Variants in HDAC7 observed in about 807,000 individuals in gnomAD.
HDAC7 encodes the protein histone deacetylase 7A.
A neutral mutation model predicts 115.5 loss-of-function variants in HDAC7; 26 were observed. The observed-to-expected ratio is 0.23, with a 90% CI of 0.16 to 0.31. The LOEUF is 0.31. Ranked by LOEUF, HDAC7 falls within the 10% of genes least tolerant of loss-of-function variation. The probability of loss-of-function intolerance (pLI) is 1.00; values close to 1 mark genes in which losing one functional copy is unlikely to be tolerated. For synonymous variants in HDAC7, 564 were observed against 550.9 expected, an observed-to-expected ratio of 1.02 and a Z score of -0.33; for missense variants, 1,068 against 1,329.0, an observed-to-expected ratio of 0.80 and a Z score of 3.05.
At position 47,803,900 on chromosome 12, in the gene HDAC7, G is replaced by A. The variant is rs932829051; in HGVS notation, c.20-1626C>T. On this transcript the variant is annotated intron_variant, in intron 1 of 25. Coordinates refer to ENST00000080059, the MANE Select transcript of HDAC7 (RefSeq NM_015401.5). The surrounding 1 kb of genome is among the most constrained non-coding windows in gnomAD (Gnocchi z 4.0). ...TCTTCTGCAGGACCTGGTCCTCCCA[G>A]AGGTTTCTGGACTGGGCTCCAGGGT... is the stretch of plus-strand genomic sequence containing the variant. 1.3e-5 allele frequency among the ~76,000 whole-genome samples: 2 copies of A among 152,298 alleles called. No homozygotes were observed. Among genetic ancestry groups the A allele is most frequent in the Non-Finnish European group, 2.9e-5 (2 of 68,018 alleles).
intron 22 of HDAC7, 45 bp from the exon 23 acceptor site, chr12:47,785,930 G>T (rs755526672): frequency 2.6e-6 from 4 of 1,538,608 alleles, no homozygotes. Flanking sequence ...GAGTGGAGAG[G>T]TGACCCTGTT....
chr12:47,796,163 C>T (rs1943826977), intron 8 of HDAC7, 44 bp downstream of exon 8: 1 of 1,569,652 alleles, frequency 6.4e-7, no homozygotes, highest in African/African-American at 1.3e-5. Context: ...GAAGGCTGAG[C>T]CTCAGAACTG....
chr12:47,785,005 C>T, intron 24 of HDAC7: 1 of 584,702 alleles, frequency 1.7e-6, no homozygotes. Context: ...AAGACGCAGC[C>T]CCCAAGCCAG....
intron 1 of HDAC7, among the ~76,000 whole-genome samples, chr12:47,814,812 G>C (rs1328952594): frequency 1.3e-5 from 2 of 152,192 alleles, no homozygotes; most frequent in African/African-American, 2.4e-5. Context: ...GGTGGGAGAC[G>C]GCATCAATGT....
At chr12:47,788,381 A>G (rs1943290910) in intron 19 of HDAC7, 1 of 408,132 alleles carries the variant, frequency 2.5e-6, no homozygotes, top group East Asian at 4.1e-5. Flanking sequence ...TGGCTGTAAT[A>G]TGAGATCCTG....
intron 21 of HDAC7, 138 bp downstream of exon 21, chr12:47,787,574 C>A: frequency 1.6e-6 from 1 of 626,084 alleles, no homozygotes. Context: ...TTGTCCTATT[C>A]TCACTGGCGT....
At position 47,796,277 on chromosome 12, in the gene HDAC7, C is replaced by G; in HGVS notation, c.725G>C (p.Ser242Thr). 6.3e-7 allele frequency: 1 copy of G among 1,598,792 alleles called. No homozygotes were observed. The highest frequency in any genetic ancestry group is 1.3e-5 in the African/African-American group (1 of 74,096). ...GGAGCTGCACCCTGATGCGGGCGTG[C>G]TGCTACTACTTGGGGAGGAGTCTGA... ...TLGDSSPSSS[S>T]TPASGCSSPN... Residue 242 changes from serine to threonine, a missense_variant, in exon 8 of 26, where the codon AGC becomes ACC. By Grantham distance (58) the Ser-to-Thr change is moderately conservative (BLOSUM62 1). This residue lies in a region of HDAC7 where 618 missense variants were observed against 701.5 expected (regional missense o/e 0.88). Transcript: ENST00000080059.
intron 1 of HDAC7, among the ~76,000 whole-genome samples, 167 bp downstream of exon 1, chr12:47,819,600 G>A (rs1592080768): frequency 6.6e-6 from 1 of 151,082 alleles, no homozygotes; most frequent in South Asian, 2.1e-4. Context: ...GAGCCGGGCG[G>A]GACAGGCGCG....
chr12:47,798,548 G>A lies in HDAC7; in HGVS notation c.349+14C>T, dbSNP rs781176159. ...TGGTGGGGCTGGGCTGGGCTGGGGT[G>A]GCCACCTCCTTACTTCGCTTGCTCT... On this transcript the variant is annotated intron_variant, in intron 4 of 25. Coordinates refer to ENST00000080059, the MANE Select transcript of HDAC7 (RefSeq NM_015401.5). This position sits in a 1 kb window ranked among gnomAD's most constrained non-coding sequence, Gnocchi z 4.3. 2.5e-6 allele frequency: 4 copies of A among 1,611,496 alleles called. No homozygotes were observed. The highest frequency in any genetic ancestry group is 1.7e-5 in the Admixed American group (1 of 59,998).
At chr12:47,815,223 G>A (rs1944819045) in intron 1 of HDAC7, among the ~76,000 whole-genome samples, 1 of 152,138 alleles carries the variant, frequency 6.6e-6, no homozygotes, top group Non-Finnish European at 1.5e-5. Flanking sequence ...AGAAGAACAA[G>A]GTCAGAAAAC....
At chr12:47,790,001 C>T (rs532645859) in intron 16 of HDAC7, 81 bp from the exon 17 acceptor site, 66 of 1,026,998 alleles carry the variant, frequency 6.4e-5, no homozygotes, top group East Asian at 2.9e-4. Flanking sequence ...CCCCACCCCA[C>T]GGCCAGGACC....
At chr12:47,787,081 C>A (rs1943211347) in intron 21 of HDAC7, among the ~76,000 whole-genome samples, 1 of 152,180 alleles carries the variant, frequency 6.6e-6, no homozygotes, top group Non-Finnish European at 1.5e-5. Context: ...CGGAGATGGA[C>A]TCTGGTCACA....
At chr12:47,810,692 C>G (rs1460958628) in intron 1 of HDAC7, among the ~76,000 whole-genome samples, 1 of 152,224 alleles carries the variant, frequency 6.6e-6, no homozygotes, top group Non-Finnish European at 1.5e-5. Flanking sequence ...GGATCAAACG[C>G]TGCGTGAGCT....
intron 1 of HDAC7, among the ~76,000 whole-genome samples, chr12:47,808,590 GAC>G (rs1308561091): frequency 6.6e-6 from 1 of 152,120 alleles, no homozygotes; most frequent in African/African-American, 2.4e-5. Flanking sequence ...GCTGTCCTCT[GAC>G]AGAGAAAAAC....
Position 47,795,471 on chromosome 12 carries a change from G to A in HDAC7, c.1088-91C>T. On this transcript the variant is annotated intron_variant, in intron 10 of 25. Coordinates refer to ENST00000080059, the MANE Select transcript of HDAC7 (RefSeq NM_015401.5). This position sits in a 1 kb window ranked among gnomAD's most constrained non-coding sequence, Gnocchi z 4.3. ...TAGGGTGGGGGGCCAGGGTGCAGCA[G>A]GGCAATGCGCAGGACAGGGGGACAG... The A allele has an allele frequency of 7.2e-7, 1 of 1,390,798 alleles. No individual in the cohort carries two copies. The highest frequency in any genetic ancestry group is 2.5e-5 in the East Asian group (1 of 40,204). 86.2% of individuals were successfully genotyped at this position (1,390,798 alleles called of 1,614,324 possible).
chr12:47,802,205 C>A lies in HDAC7; in HGVS notation c.70+19G>T, dbSNP rs776465576. On this transcript the variant is annotated intron_variant, in intron 2 of 25. Transcript: ENST00000080059. ...ATCTTCCACTCCCTACCATGGACTC[C>A]CCCGGGTTTGACTCTTACCTGCGCC... is the stretch of plus-strand genomic sequence containing the variant. 2.5e-6 allele frequency: 4 copies of A among 1,610,904 alleles called. No homozygotes were observed. The highest frequency in any genetic ancestry group is 3.4e-6 in the Non-Finnish European group (4 of 1,178,662).
At chr12:47,794,976 G>T in intron 11 of HDAC7, 43 bp from the exon 12 acceptor site, 1 of 1,570,674 alleles carries the variant, frequency 6.4e-7, no homozygotes. Context: ...GGTGGAGCGA[G>T]GGGCATGGGG....
rs1363012088 is a variant in HDAC7 at position 47,798,068 on chromosome 12, G to C, written c.461+40C>G. ...GCTAACACGGGGGCGGGGGTGGAGG[G>C]TGCATGTGGGGACAGGAGGGCAGGT... On this transcript the variant is annotated intron_variant, in intron 5 of 25. Transcript: ENST00000080059. This position sits in a 1 kb window ranked among gnomAD's most constrained non-coding sequence, Gnocchi z 4.3. 7.1e-7 allele frequency: 1 copy of C among 1,411,638 alleles called. No homozygotes were observed. Among genetic ancestry groups the C allele is most frequent in the Non-Finnish European group, 1.0e-6 (1 of 995,698 alleles). 87.4% of individuals were successfully genotyped at this position (1,411,638 alleles called of 1,614,324 possible). A position where few individuals can be genotyped will look rare whatever the true frequency, so the allele number is the denominator to read the frequency against.
chr12:47,784,713 G>A lies in HDAC7; in HGVS notation c.2792-496C>T, dbSNP rs997201131. ...AACTGACCATCACCACGGCCGCTCT[G>A]CATGGGTGCCCAGGCCAGGAGAATG... On this transcript the variant is annotated intron_variant, in intron 24 of 25. Transcript: ENST00000080059. 5 of 1,535,286 alleles carry A rather than the reference G, an allele frequency of 3.3e-6. No individual in the cohort carries two copies. The African/African-American group carries it at 6.8e-5, about 21-fold the overall frequency.
Sources: gnomAD v4.1 joint callset for allele counts (sites outside exome capture counted in the v4.1 genomes callset) on GRCh38, gnomAD v4.1.1 for gene constraint, gnomAD v4.1.1 regional missense constraint, Gnocchi (gnomAD v3.1) non-coding constraint, MANE v1.5 for transcripts, NCBI Gene and HGNC (gene_info 2026-07-23, HGNC 2026-07-21) for gene names.